GSN: variants seen among roughly 807,000 people sequenced by gnomAD.
GSN encodes the protein gelsolin, also known as actin-depolymerizing factor.
In GSN, 56 loss-of-function variants were observed where a neutral mutation model predicts 85.7. The ratio of observed to expected loss-of-function variants is 0.65; its 90% CI spans 0.53 to 0.82. GSN has a LOEUF of 0.82. Among genes scored for constraint, GSN ranks in the 40% least tolerant of loss-of-function variants. GSN has a pLI of 0.00. For synonymous variants in GSN, 373 were observed against 399.1 expected (o/e 0.93, Z 0.78); for missense variants, 857 against 979.8 (o/e 0.87, Z 1.67).
At chr9:121,248,542 T>G (rs1158890360) in intron 6 of GSN, among the ~76,000 whole-genome samples, 2 of 152,086 alleles carry the variant, frequency 1.3e-5, no homozygotes, top group Non-Finnish European at 2.9e-5. Context: ...GGCTTGAAAC[T>G]GGGGGTTTGA....
At chr9:121,279,451 A>G (rs1018091963) in intron 1 of GSN, among the ~76,000 whole-genome samples, 1 of 151,998 alleles carries the variant, frequency 6.6e-6, no homozygotes, top group Non-Finnish European at 1.5e-5. Context: ...TGATGGGGCT[A>G]TGGACCCAGA....
intron 5 of GSN, among the ~76,000 whole-genome samples, chr9:121,245,520 T>A (rs1236965382): frequency 1.3e-5 from 2 of 152,018 alleles, no homozygotes; most frequent in Non-Finnish European, 2.9e-5. Flanking sequence ...CCATGCCCAG[T>A]TAATTTTTTA....
chr9:121,215,093 T>C (rs1395240760), intron 4 of GSN, among the ~76,000 whole-genome samples: 1 of 152,068 alleles, frequency 6.6e-6, no homozygotes, highest in East Asian at 1.9e-4. Flanking sequence ...CAATCCTTGT[T>C]GTTCTTGGAT....
At chr9:121,220,179 G>A (rs190452464) in intron 4 of GSN, among the ~76,000 whole-genome samples, 2 of 152,318 alleles carry the variant, frequency 1.3e-5, no homozygotes, top group Admixed American at 1.3e-4. Flanking sequence ...CACTGCACCC[G>A]GCCCACACTG....
intron 4 of GSN, among the ~76,000 whole-genome samples, chr9:121,217,793 G>C (rs1195946802): frequency 7.6e-6 from 1 of 132,254 alleles, no homozygotes; most frequent in Non-Finnish European, 1.6e-5. Flanking sequence ...AAATAATATA[G>C]AAATGTATTA....
At chr9:121,300,241 C>A in intron 2 of GSN, 1 of 741,414 alleles carries the variant, frequency 1.3e-6, no homozygotes, top group Non-Finnish European at 2.5e-6. Context: ...TTTCTTTTCC[C>A]CTGTCCTCCT....
chr9:121,281,588 T>C (rs2057369336), intron 2 of GSN, 26 bp downstream of exon 2: 1 of 470,662 alleles, frequency 2.1e-6, no homozygotes. Flanking sequence ...CAGACACCTG[T>C]CGTCCTCTTA....
At chr9:121,292,247 G>T (rs2058764672) in intron 2 of GSN, among the ~76,000 whole-genome samples, 1 of 152,182 alleles carries the variant, frequency 6.6e-6, no homozygotes, top group African/African-American at 2.4e-5. Context: ...TCAGAGAGGA[G>T]GGGAGGGGGT....
chr9:121,216,105 G>T (rs1029607114), intron 4 of GSN, among the ~76,000 whole-genome samples: 5 of 151,938 alleles, frequency 3.3e-5, no homozygotes, highest in Non-Finnish European at 7.4e-5. Context: ...TTGCCAGCAG[G>T]CCTGGCTAAT....
chr9:121,247,262 C>T (rs1002090602), intron 5 of GSN, among the ~76,000 whole-genome samples: 2 of 152,138 alleles, frequency 1.3e-5, no homozygotes, highest in Non-Finnish European at 2.9e-5. Context: ...GGCCTTGGTG[C>T]TCAGGGAAAG....
intron 6 of GSN, among the ~76,000 whole-genome samples, chr9:121,253,061 T>C (rs1322888910): frequency 6.6e-6 from 1 of 152,222 alleles, no homozygotes; most frequent in Non-Finnish European, 1.5e-5. Context: ...CCAGCTTCCA[T>C]TGTGCCTCAC....
chr9:121,324,442 A>G (rs1194503235), intron 11 of GSN, 112 bp from the exon 12 acceptor site: 2 of 663,578 alleles, frequency 3.0e-6, no homozygotes, highest in Non-Finnish European at 5.5e-6. Flanking sequence ...TTCCCTCTCT[A>G]TCTGTTTCAT....
intron 10 of GSN, among the ~76,000 whole-genome samples, 171 bp downstream of exon 10, chr9:121,319,051 T>C (rs2062062421): frequency 6.6e-6 from 1 of 152,268 alleles, no homozygotes; most frequent in Non-Finnish European, 1.5e-5. Context: ...TATCAGGCCC[T>C]GAGCCAAGTG....
Position 121,329,174 on chromosome 9 carries a change from A to G in GSN, c.1888-64A>G. 1 of 1,459,760 alleles carries G rather than the reference A, an allele frequency of 6.9e-7. No homozygotes were observed. The highest frequency in any genetic ancestry group is 9.6e-7 in the Non-Finnish European group (1 of 1,040,674). The allele number at this position is 1,459,760 out of a possible 1,614,324, so 90.4% of individuals were successfully genotyped here. ...CAGCTGTGCCACTCCCTCAGGGGGC[A>G]GATAAAGGAAGGCCACCCAGGGGAG... On this transcript the variant is annotated intron_variant, in intron 15 of 17. Coordinates refer to ENST00000432226, the MANE Select transcript of GSN (RefSeq NM_198252.3). This position sits in a 1 kb window ranked among gnomAD's most constrained non-coding sequence, Gnocchi z 4.6.
chr9:121,281,124 G>A (rs2057314721), intron 1 of GSN: 1 of 162,504 alleles, frequency 6.2e-6, no homozygotes, highest in Non-Finnish European at 1.4e-5. Flanking sequence ...GACTTGAGGG[G>A]CCCAGGATCA....
chr9:121,322,484 C>T (rs1325049197), intron 11 of GSN, among the ~76,000 whole-genome samples: 1 of 152,214 alleles, frequency 6.6e-6, no homozygotes, highest in Non-Finnish European at 1.5e-5. Flanking sequence ...TTCTCTATTA[C>T]AAACATTGCT....
intron 2 of GSN, chr9:121,282,573 C>G (rs1314755398): frequency 2.0e-5 from 24 of 1,178,932 alleles, no homozygotes; most frequent in Non-Finnish European, 2.3e-5. Context: ...TTTGGTGGTC[C>G]CCAGGATGTT....
At chr9:121,330,427 T>C (rs1452190082) in intron 16 of GSN, among the ~76,000 whole-genome samples, 1 of 151,996 alleles carries the variant, frequency 6.6e-6, no homozygotes, top group Non-Finnish European at 1.5e-5. Context: ...ACAAAACAAT[T>C]AGCCAGGCTT....
rs759304648 is a variant in GSN, at chr9:121,312,479, G to A, written c.654G>A (p.Ala218=). Residue 218 remains alanine (A), a synonymous_variant, in exon 6 of 18, where the codon GCG becomes GCA. Coordinates refer to ENST00000432226, the MANE Select transcript of GSN (RefSeq NM_198252.3). ...HVSEEGTEPE[A]MLQVLGPKPA... ...CTGAGGAGGGCACTGAGCCCGAGGC[G>A]ATGCTCCAGGTGCCTGTGGGGTGCG... is the stretch of plus-strand genomic sequence containing the variant. 62 of 1,609,128 alleles carry A rather than the reference G, an allele frequency of 3.9e-5. No individual in the cohort carries two copies. In the Middle Eastern group the frequency reaches 6.6e-4, roughly 17 times the overall value.
Sources: gnomAD v4.1 joint callset for allele counts (sites outside exome capture counted in the v4.1 genomes callset) on GRCh38, gnomAD v4.1.1 for gene constraint, Gnocchi (gnomAD v3.1) non-coding constraint, MANE v1.5 for transcripts, NCBI Gene and HGNC (gene_info 2026-07-23, HGNC 2026-07-21) for gene names.